The following ANKRD28 variants were observed in gnomAD, a reference collection of about 807,000 sequenced individuals.
ANKRD28 encodes the protein serine/threonine-protein phosphatase 6 regulatory ankyrin repeat subunit A.
ANKRD28 carries 44 observed loss-of-function variants against 126.5 expected under a neutral mutation model. The ratio of observed to expected loss-of-function variants is 0.35; its 90% CI spans 0.27 to 0.45. The LOEUF (loss-of-function observed/expected upper bound fraction) is 0.45, where lower values mean the gene tolerates loss of function less well. Ranked by LOEUF, ANKRD28 falls within the 20% of genes least tolerant of loss-of-function variation. ANKRD28 has a pLI of 1.00. For synonymous variants in ANKRD28, 442 were observed against 468.5 expected, an observed-to-expected ratio of 0.94 and a Z score of 0.73; for missense variants, 1,110 against 1,316.6, an observed-to-expected ratio of 0.84 and a Z score of 2.43.
intron 1 of ANKRD28, among the ~76,000 whole-genome samples, chr3:15,823,764 A>G (rs1461951811): frequency 2.0e-5 from 3 of 152,266 alleles, no homozygotes; most frequent in Non-Finnish European, 4.4e-5. Flanking sequence ...GTGGTTGTAC[A>G]CTTTAAAATA....
At chr3:15,722,330 A>C (rs757631231) in intron 7 of ANKRD28, among the ~76,000 whole-genome samples, 8 of 152,216 alleles carry the variant, frequency 5.3e-5, no homozygotes, top group African/African-American at 1.7e-4. Context: ...CCTTGTTGGA[A>C]ATACTTCATT....
intron 6 of ANKRD28, among the ~76,000 whole-genome samples, chr3:15,727,089 AAGG>A (rs1042240022): frequency 9.2e-5 from 14 of 152,366 alleles, no homozygotes; most frequent in Admixed American, 8.5e-4. Context: ...TCTTACAGAC[AAGG>A]AGATTACTGT....
At chr3:15,825,058 C>T (rs1161077244) in intron 1 of ANKRD28, among the ~76,000 whole-genome samples, 1 of 152,194 alleles carries the variant, frequency 6.6e-6, no homozygotes, top group Non-Finnish European at 1.5e-5. Context: ...ATTTGATATG[C>T]TTGGCTTATC....
chr3:15,841,094 G>A (rs757717158), intron 1 of ANKRD28, among the ~76,000 whole-genome samples: 33 of 152,062 alleles, frequency 2.2e-4, no homozygotes, highest in Admixed American at 1.6e-3. Context: ...GCCGAGATCC[G>A]CGCCACTGCA....
intron 1 of ANKRD28, among the ~76,000 whole-genome samples, chr3:15,851,673 G>T (rs1473635089): frequency 6.6e-6 from 1 of 152,288 alleles, no homozygotes; most frequent in East Asian, 1.9e-4. Flanking sequence ...TGGAGAAACT[G>T]GAATGCTCAT....
intron 10 of ANKRD28, among the ~76,000 whole-genome samples, chr3:15,712,781 T>A (rs2072486787): frequency 6.6e-6 from 1 of 152,192 alleles, no homozygotes; most frequent in Non-Finnish European, 1.5e-5. Flanking sequence ...ATAAATGAAC[T>A]AGAGCAACTT....
chr3:15,830,469 AT>A lies in ANKRD28; in HGVS notation c.27+28907del, dbSNP rs1432049454. 1.3e-5 allele frequency among the ~76,000 whole-genome samples: 2 copies of A among 152,058 alleles called. No homozygotes were observed. Among genetic ancestry groups the A allele is most frequent in the Admixed American group, 1.3e-4 (2 of 15,262 alleles). Reference sequence around the variant, plus strand: ...AGATTCTCATAGGACTGCCAATCCTATTTTGAATTGCACATCTGAGGGATCT... The same window carrying A: ...AGATTCTCATAGGACTGCCAATCCTATTTGAATTGCACATCTGAGGGATCT... On this transcript the variant is annotated intron_variant, in intron 1 of 27. Coordinates refer to the ANKRD28 transcript ENST00000399451. This position sits in a 1 kb window ranked among gnomAD's most constrained non-coding sequence, Gnocchi z 4.5.
intron 1 of ANKRD28, among the ~76,000 whole-genome samples, chr3:15,834,840 C>T (rs368885521): frequency 7.9e-5 from 12 of 152,260 alleles, no homozygotes; most frequent in African/African-American, 2.6e-4. Context: ...AAAGATCAAA[C>T]ACTTCCCTGT....
At chr3:15,790,799 C>G (rs898002687) in intron 2 of ANKRD28, among the ~76,000 whole-genome samples, 2 of 151,956 alleles carry the variant, frequency 1.3e-5, no homozygotes, top group African/African-American at 4.8e-5. Flanking sequence ...CTCAATCAGA[C>G]AAGAGAAAGA....
chr3:15,698,574 CAA>C (rs920758489), intron 14 of ANKRD28, among the ~76,000 whole-genome samples: 4 of 152,156 alleles, frequency 2.6e-5, no homozygotes, highest in African/African-American at 7.2e-5. Flanking sequence ...GCGAAAATCA[CAA>C]AGATTCCCAT....
intron 1 of ANKRD28, among the ~76,000 whole-genome samples, chr3:15,848,280 A>G (rs1208415795): frequency 6.6e-6 from 1 of 152,244 alleles, no homozygotes; most frequent in African/African-American, 2.4e-5. Context: ...TCTGACAATA[A>G]TGTGATCTTG....
intron 15 of ANKRD28, 132 bp downstream of exon 15, chr3:15,696,002 A>C (rs1299608934): frequency 1.5e-6 from 1 of 661,300 alleles, no homozygotes; most frequent in African/African-American, 1.8e-5. Flanking sequence ...TGTGAATTTA[A>C]GAGGTATATA....
At chr3:15,757,267 C>T (rs576301150) in intron 3 of ANKRD28, among the ~76,000 whole-genome samples, 106 of 152,092 alleles carry the variant, frequency 7.0e-4, no homozygotes, top group African/African-American at 2.5e-3. Flanking sequence ...TTTTAGGGAG[C>T]CAAAGGTTAT....
intron 1 of ANKRD28, among the ~76,000 whole-genome samples, chr3:15,858,003 G>C (rs1206180373): frequency 6.6e-6 from 1 of 152,206 alleles, no homozygotes; most frequent in African/African-American, 2.4e-5. Context: ...GGAATTAGCA[G>C]AAATGGTTCC....
At chr3:15,827,745 T>C (rs374314147) in intron 1 of ANKRD28, among the ~76,000 whole-genome samples, 1 of 152,194 alleles carries the variant, frequency 6.6e-6, no homozygotes, top group Non-Finnish European at 1.5e-5. Context: ...AATTGGACTT[T>C]GTCAAAGTTT....
At chr3:15,774,691 G>T (rs2059174113) in intron 2 of ANKRD28, among the ~76,000 whole-genome samples, 1 of 151,830 alleles carries the variant, frequency 6.6e-6, no homozygotes, top group Non-Finnish European at 1.5e-5. Context: ...GAAAAACAAG[G>T]CATAAAAAAT....
At chr3:15,729,661 G>A (rs988376116) in intron 6 of ANKRD28, among the ~76,000 whole-genome samples, 1 of 152,050 alleles carries the variant, frequency 6.6e-6, no homozygotes, top group African/African-American at 2.4e-5. Flanking sequence ...TCTATAAAAA[G>A]TTAATAAATG....
At chr3:15,721,961 T>C (rs1297935998) in intron 7 of ANKRD28, among the ~76,000 whole-genome samples, 1 of 152,186 alleles carries the variant, frequency 6.6e-6, no homozygotes, top group Non-Finnish European at 1.5e-5. Flanking sequence ...GCCAGGCTGG[T>C]CCTGAACTCT....
At chr3:15,769,297 A>C (rs1302731807) in intron 2 of ANKRD28, among the ~76,000 whole-genome samples, 1 of 152,232 alleles carries the variant, frequency 6.6e-6, no homozygotes, top group Non-Finnish European at 1.5e-5. Flanking sequence ...ACAACTGGCT[A>C]ATTTTGAAAG....
Sources: allele counts gnomAD v4.1 joint callset (sites outside exome capture counted in the v4.1 genomes callset), GRCh38; gene constraint gnomAD v4.1.1; non-coding constraint Gnocchi (gnomAD v3.1); transcripts MANE v1.5; gene names NCBI Gene and HGNC (gene_info 2026-07-23, HGNC 2026-07-21).